The following PTPRD variants were observed in gnomAD, a reference collection of about 807,000 sequenced individuals.
The protein encoded by PTPRD is receptor-type tyrosine-protein phosphatase delta.
PTPRD carries 34 observed loss-of-function variants against 214.5 expected under a neutral mutation model. The ratio of observed to expected loss-of-function variants is 0.16; its 90% confidence interval spans 0.12 to 0.21. The LOEUF is 0.21. Ranked by LOEUF, PTPRD falls within the 10% of genes least tolerant of loss-of-function variation. PTPRD has a pLI of 1.00. For synonymous variants in PTPRD, 1,128 were observed against 845.7 expected (o/e 1.33, Z -5.79); for missense variants, 2,545 against 2,398.7 (o/e 1.06, Z -1.27).
intron 10 of PTPRD, among the ~76,000 whole-genome samples, chr9:9,167,308 C>T (rs2130804282): frequency 6.7e-6 from 1 of 148,196 alleles, no homozygotes; most frequent in Non-Finnish European, 1.5e-5. Context: ...TGGTGTATTG[C>T]TTCTCATGCT....
At chr9:9,841,104 A>T (rs2058228188) in intron 5 of PTPRD, among the ~76,000 whole-genome samples, 1 of 152,186 alleles carries the variant, frequency 6.6e-6, no homozygotes, top group Non-Finnish European at 1.5e-5. Context: ...TTCTTGTTAA[A>T]TTTGAGCTGA....
At position 8,991,209 on chromosome 9, in the gene PTPRD, ACT is replaced by A. The variant is rs756541794; in HGVS notation, c.-104+27486_-104+27487del. On this transcript the variant is annotated intron_variant, in intron 11 of 45. Transcript: ENST00000381196. ...ACTCCAGCCTGGGTGACAGAGTGACACTCTGTCTCAAAAAAAAAAAAAAAAAA... is the reference window on the plus strand; with the variant it reads ...ACTCCAGCCTGGGTGACAGAGTGACACTGTCTCAAAAAAAAAAAAAAAAAA... Among the ~76,000 whole-genome samples the A allele has an allele frequency of 5.1e-5, 7 of 137,746 alleles. No individual in the cohort carries two copies. The East Asian group carries it at 1.5e-3, about 30-fold the overall frequency. The allele number at this position is 137,746 out of a possible 152,430, so 90.4% of individuals were successfully genotyped here. A position where few individuals can be genotyped will look rare whatever the true frequency, so the allele number is the denominator to read the frequency against.
intron 8 of PTPRD, among the ~76,000 whole-genome samples, chr9:9,539,908 T>C (rs1364683611): frequency 6.6e-6 from 1 of 151,844 alleles, no homozygotes; most frequent in Non-Finnish European, 1.5e-5. Context: ...TGTGATACCA[T>C]TCTCACATCC....
chr9:8,326,017 A>G, intron 44 of PTPRD, among the ~76,000 whole-genome samples: 1 of 152,218 alleles, frequency 6.6e-6, no homozygotes, highest in Middle Eastern at 3.2e-3. Context: ...ATGTGCAAAC[A>G]GAGACAATTT....
chr9:9,668,935 T>C (rs1465889384), intron 7 of PTPRD, among the ~76,000 whole-genome samples: 1 of 152,154 alleles, frequency 6.6e-6, no homozygotes, highest in Non-Finnish European at 1.5e-5. Flanking sequence ...TTGATTCATA[T>C]GTTTCTTTAA....
intron 6 of PTPRD, among the ~76,000 whole-genome samples, chr9:9,756,479 T>A (rs955756757): frequency 6.6e-5 from 10 of 152,146 alleles, no homozygotes; most frequent in Non-Finnish European, 1.5e-4. Context: ...AAAAGCCATT[T>A]CTATCTATAT....
At chr9:10,315,722 C>T (rs559973611) in intron 3 of PTPRD, among the ~76,000 whole-genome samples, 33 of 152,042 alleles carry the variant, frequency 2.2e-4, no homozygotes, top group African/African-American at 7.5e-4. Flanking sequence ...CTTTACAGTT[C>T]CGCAGGGCAC....
chr9:8,832,032 T>C (rs2097302710), intron 11 of PTPRD, among the ~76,000 whole-genome samples: 1 of 151,990 alleles, frequency 6.6e-6, no homozygotes, highest in Admixed American at 6.6e-5. Flanking sequence ...TGAAAAGTGT[T>C]TGCAACCTTC....
At chr9:10,381,789 A>G (rs1565670662) in intron 2 of PTPRD, among the ~76,000 whole-genome samples, 1 of 151,976 alleles carries the variant, frequency 6.6e-6, no homozygotes, top group Non-Finnish European at 1.5e-5. Flanking sequence ...AAATAATATT[A>G]TGTCATACAT....
intron 35 of PTPRD, among the ~76,000 whole-genome samples, chr9:8,425,706 T>C (rs1025263861): frequency 2.0e-5 from 3 of 152,142 alleles, no homozygotes; most frequent in Non-Finnish European, 4.4e-5. Flanking sequence ...TATGGACTCA[T>C]TCAGGACAGC....
At position 10,458,402 on chromosome 9, in the gene PTPRD, C is replaced by T. The variant is rs545700491; in HGVS notation, c.-599-117385G>A. Reference sequence around the variant, plus strand: ...GGTTGTTTTAACATATGCAAATCAACCAATGGATACATCATGTTAACAGAC... The same window carrying T: ...GGTTGTTTTAACATATGCAAATCAATCAATGGATACATCATGTTAACAGAC... On this transcript the variant is annotated intron_variant, in intron 2 of 45. Transcript: ENST00000381196. Among the ~76,000 whole-genome samples, 21 of 152,218 alleles carry T rather than the reference C, an allele frequency of 1.4e-4. No homozygotes were observed. The South Asian group carries it at 3.5e-3, about 26-fold the overall frequency.
At chr9:10,122,307 C>CA (rs1362825917) in intron 3 of PTPRD, among the ~76,000 whole-genome samples, 2 of 151,468 alleles carry the variant, frequency 1.3e-5, no homozygotes, top group Non-Finnish European at 2.9e-5. Flanking sequence ...AACTCCATCT[C>CA]AAAAAAAATT....
At chr9:8,450,556 C>A (rs940411445) in intron 33 of PTPRD, among the ~76,000 whole-genome samples, 1 of 152,070 alleles carries the variant, frequency 6.6e-6, no homozygotes, top group African/African-American at 2.4e-5. Flanking sequence ...GGTAGATCAG[C>A]GCTCCTGATA....
chr9:9,908,585 GTTC>G lies in PTPRD; in HGVS notation c.-368+29919_-368+29921del, dbSNP rs1381567188. On this transcript the variant is annotated intron_variant, in intron 5 of 45. Coordinates refer to ENST00000381196, the MANE Select transcript of PTPRD (RefSeq NM_002839.4). The stretch of plus-strand genomic sequence containing the variant: ...CCACAGATAAAATGAAGTATTAAAC[GTTC>G]TGGATGAGGGAAATGGGTTTTAAAG... Among the ~76,000 whole-genome samples the G allele has an allele frequency of 3.3e-5, 5 of 151,984 alleles. No homozygotes were observed. The East Asian group carries it at 9.6e-4, about 29-fold the overall frequency.
At chr9:10,189,983 T>C (rs1234695346) in intron 3 of PTPRD, among the ~76,000 whole-genome samples, 1 of 151,790 alleles carries the variant, frequency 6.6e-6, no homozygotes, top group African/African-American at 2.4e-5. Context: ...AGGTAAGAGA[T>C]AAAAAGAGGA....
intron 2 of PTPRD, among the ~76,000 whole-genome samples, chr9:10,579,448 G>C (rs893255119): frequency 2.6e-5 from 4 of 152,076 alleles, no homozygotes; most frequent in African/African-American, 7.2e-5. Flanking sequence ...ACATGATTTT[G>C]TTCTTTTTTA....
chr9:10,183,546 T>A, intron 3 of PTPRD, among the ~76,000 whole-genome samples: 1 of 152,128 alleles, frequency 6.6e-6, no homozygotes, highest in East Asian at 1.9e-4. Flanking sequence ...ACAGAGAGAA[T>A]ATGAGAAGAA....
chr9:8,737,132 G>T (rs1439134774), intron 11 of PTPRD, among the ~76,000 whole-genome samples: 1 of 152,198 alleles, frequency 6.6e-6, no homozygotes, highest in African/African-American at 2.4e-5. Flanking sequence ...CTCAGCTGAA[G>T]TGCATAAGAA....
intron 12 of PTPRD, among the ~76,000 whole-genome samples, chr9:8,721,442 A>AG (rs1028933418): frequency 1.3e-5 from 2 of 151,956 alleles, no homozygotes; most frequent in African/African-American, 4.8e-5. Flanking sequence ...AAAAAAAAAA[A>AG]AAAGAAAGAT....
Sources: allele counts gnomAD v4.1 joint callset (sites outside exome capture counted in the v4.1 genomes callset), GRCh38; gene constraint gnomAD v4.1.1; transcripts MANE v1.5; gene names NCBI Gene and HGNC (gene_info 2026-07-23, HGNC 2026-07-21).